ADK: variants seen among roughly 807,000 people sequenced by gnomAD.
ADK encodes the protein N6,N6-dimethyladenosine kinase.
Under a neutral mutation model 44.7 loss-of-function variants are expected in ADK, and 24 were observed. The observed-to-expected ratio is 0.54, with a 90% CI of 0.39 to 0.76. The LOEUF (loss-of-function observed/expected upper bound fraction) is 0.76. ADK is among the 30% of genes least tolerant of loss of function. The probability of loss-of-function intolerance (pLI) is 0.00; values close to 1 mark genes in which losing one functional copy is unlikely to be tolerated. For missense variants in ADK, 321 were observed against 425.1 expected (o/e 0.76, Z 2.15); for synonymous variants, 128 against 142.6 (o/e 0.90, Z 0.73).
intron 6 of ADK, among the ~76,000 whole-genome samples, chr10:74,409,383 C>T (rs1018058804): frequency 1.3e-5 from 2 of 151,878 alleles, no homozygotes; most frequent in Admixed American, 6.6e-5. Flanking sequence ...TGTGACTTAC[C>T]CTGCGTAAAC....
chr10:74,483,713 G>A (rs1161716909), intron 6 of ADK, among the ~76,000 whole-genome samples: 1 of 152,156 alleles, frequency 6.6e-6, no homozygotes, highest in Non-Finnish European at 1.5e-5. Flanking sequence ...TCTTCTCCCA[G>A]ATACCATAAA....
intron 9 of ADK, among the ~76,000 whole-genome samples, chr10:74,614,708 T>TC (rs931322130): frequency 4.0e-5 from 6 of 151,214 alleles, no homozygotes; most frequent in African/African-American, 1.2e-4. Flanking sequence ...CAACATAAGA[T>TC]CCCCCGGGCT....
chr10:74,189,561 A>G (rs1467007989), intron 1 of ADK, among the ~76,000 whole-genome samples: 4 of 152,234 alleles, frequency 2.6e-5, no homozygotes, highest in African/African-American at 9.6e-5. Context: ...CAATTAGGTC[A>G]GATAGTTTTA....
At chr10:74,152,467 A>C (rs1277648768) in intron 1 of ADK, among the ~76,000 whole-genome samples, 1 of 152,056 alleles carries the variant, frequency 6.6e-6, no homozygotes, top group Non-Finnish European at 1.5e-5. Context: ...AATCAGACCT[A>C]CCTGAGTTCA....
chr10:74,532,433 A>G (rs1213529893), intron 7 of ADK, among the ~76,000 whole-genome samples: 1 of 149,424 alleles, frequency 6.7e-6, no homozygotes, highest in Non-Finnish European at 1.5e-5. Flanking sequence ...AGCCAAGATC[A>G]TGCCACCACA....
At chr10:74,455,456 TA>T (rs1198791379) in intron 6 of ADK, among the ~76,000 whole-genome samples, 1 of 152,230 alleles carries the variant, frequency 6.6e-6, no homozygotes, top group Non-Finnish European at 1.5e-5. Context: ...AAGGATTTTA[TA>T]TCCCCTTGAC....
At chr10:74,312,963 T>C (rs1483094260) in intron 3 of ADK, among the ~76,000 whole-genome samples, 1 of 149,720 alleles carries the variant, frequency 6.7e-6, no homozygotes, top group Non-Finnish European at 1.5e-5. Context: ...AGCTTACCAT[T>C]ATAAGTCTAA....
At chr10:74,496,317 C>T (rs892733787) in intron 6 of ADK, among the ~76,000 whole-genome samples, 1 of 152,182 alleles carries the variant, frequency 6.6e-6, no homozygotes, top group Non-Finnish European at 1.5e-5. Context: ...GTAATAATCT[C>T]CACATGTCAA....
chr10:74,189,321 A>G (rs1433879250), intron 1 of ADK, among the ~76,000 whole-genome samples: 1 of 152,178 alleles, frequency 6.6e-6, no homozygotes, highest in Non-Finnish European at 1.5e-5. Flanking sequence ...TATTGTGTAC[A>G]TATCTGTACC....
At chr10:74,376,846 G>A (rs75325285) in intron 4 of ADK, among the ~76,000 whole-genome samples, 2,606 of 148,702 alleles carry the variant, frequency 0.018, 33 homozygotes, top group Admixed American at 0.028. Flanking sequence ...TTTTCCAGGA[G>A]AATATCTCAC....
At chr10:74,411,709 A>G (rs1186156509) in intron 6 of ADK, among the ~76,000 whole-genome samples, 2 of 152,180 alleles carry the variant, frequency 1.3e-5, no homozygotes, top group African/African-American at 2.4e-5. Flanking sequence ...TAAGACAGCA[A>G]TGAAGTTTGC....
chr10:74,649,795 G>A (rs1029924358), intron 9 of ADK, among the ~76,000 whole-genome samples: 1 of 152,066 alleles, frequency 6.6e-6, no homozygotes, highest in Non-Finnish European at 1.5e-5. Context: ...CTAGTGTTGG[G>A]AAATGCTAGA....
intron 10 of ADK, among the ~76,000 whole-genome samples, chr10:74,686,547 T>A (rs2395095): frequency 2.0e-5 from 3 of 152,126 alleles, no homozygotes; most frequent in South Asian, 2.1e-4. Context: ...ACTTCAAAGC[T>A]GCCATAATTG....
intron 3 of ADK, among the ~76,000 whole-genome samples, chr10:74,267,269 A>G (rs1010513740): frequency 5.9e-5 from 9 of 152,146 alleles, no homozygotes; most frequent in Non-Finnish European, 1.5e-5. Context: ...GCAAAAATGG[A>G]TGGAAAATAC....
At chr10:74,632,097 T>A (rs1256504619) in intron 9 of ADK, among the ~76,000 whole-genome samples, 1 of 152,134 alleles carries the variant, frequency 6.6e-6, no homozygotes, top group Non-Finnish European at 1.5e-5. Flanking sequence ...CCAGAAACTG[T>A]CTCTCTCCAG....
intron 3 of ADK, among the ~76,000 whole-genome samples, chr10:74,227,568 G>T (rs866859060): frequency 7.9e-5 from 12 of 152,286 alleles, no homozygotes; most frequent in African/African-American, 2.9e-4. Context: ...AAAAGGCCGG[G>T]CACGGTGGCT....
intron 3 of ADK, among the ~76,000 whole-genome samples, chr10:74,298,088 G>T (rs1201214342): frequency 6.6e-6 from 1 of 152,136 alleles, no homozygotes; most frequent in African/African-American, 2.4e-5. Flanking sequence ...CAATTAGATG[G>T]TAAAGCATTA....
At chr10:74,244,541 G>A (rs1442647719) in intron 3 of ADK, among the ~76,000 whole-genome samples, 1 of 152,040 alleles carries the variant, frequency 6.6e-6, no homozygotes, top group East Asian at 1.9e-4. Flanking sequence ...TTGAAAAGTT[G>A]ACCTATATGC....
chr10:74,320,250 C>T (rs1051050477), intron 4 of ADK, among the ~76,000 whole-genome samples: 26 of 152,056 alleles, frequency 1.7e-4, no homozygotes, highest in South Asian at 4.1e-4. Flanking sequence ...TCTTGGTTAA[C>T]GGTGCTTTTC....
Sources: allele counts gnomAD v4.1 joint callset (sites outside exome capture counted in the v4.1 genomes callset), GRCh38; gene constraint gnomAD v4.1.1; transcripts MANE v1.5; gene names NCBI Gene and HGNC (gene_info 2026-07-23, HGNC 2026-07-21).